SLC9A7: variants seen among roughly 807,000 people sequenced by gnomAD.
The protein encoded by SLC9A7 is sodium/hydrogen exchanger 7.
Under a neutral mutation model 52.6 loss-of-function variants are expected in SLC9A7, and 19 were observed. The ratio of observed to expected loss-of-function variants is 0.36; its 90% CI spans 0.25 to 0.53. The LOEUF (loss-of-function observed/expected upper bound fraction) is 0.53. Ranked by LOEUF, SLC9A7 falls within the 20% of genes least tolerant of loss-of-function variation. The probability of loss-of-function intolerance (pLI) is 0.91; values close to 1 mark genes in which losing one functional copy is unlikely to be tolerated. For synonymous variants in SLC9A7, 226 were observed against 252.1 expected (o/e 0.90, Z 0.98); for missense variants, 455 against 597.9 (o/e 0.76, Z 2.49).
intron 1 of SLC9A7, among the ~76,000 whole-genome samples, chrX:46,713,776 G>C (rs1252586505): frequency 3.6e-5 from 4 of 110,174 alleles, no homozygotes; most frequent in African/African-American, 9.9e-5. Context: ...CACACTATTA[G>C]TGACTCTAGT....
At chrX:46,718,220 G>C (rs1178798454) in intron 1 of SLC9A7, among the ~76,000 whole-genome samples, 5 of 111,637 alleles carry the variant, frequency 4.5e-5, no homozygotes, top group Admixed American at 3.8e-4. Flanking sequence ...TTAATAAATG[G>C]TGCTGGGAAA....
chrX:46,648,679 T>G lies in SLC9A7; in HGVS notation c.1462+7A>C. ...AACTCATTTTCTTTACACTTACGCC[T>G]TTTTACCTGAAAACATCATCATGTG... On this transcript the variant is annotated splice_region_variant and intron_variant, in intron 11 of 16. Coordinates refer to ENST00000616978, the MANE Select transcript of SLC9A7 (RefSeq NM_001257291.2). The G allele has an allele frequency of 8.5e-7, 1 of 1,177,114 alleles. No homozygotes were observed. The highest frequency in any genetic ancestry group is 1.2e-6 in the Non-Finnish European group (1 of 864,828).
In SLC9A7 at chrX:46,741,857, C is replaced by A. The variant is rs200798443; in HGVS notation, c.325+16848G>T. 3.9e-4 allele frequency among the ~76,000 whole-genome samples: 42 copies of A among 108,575 alleles called. 1 individual carries two copies. In the East Asian group the frequency reaches 8.3e-3, roughly 22 times the overall value. The allele number at this position is 108,575 out of a possible 115,157, so 94.3% of individuals were successfully genotyped here. ...TAAGATACTGAAAAGAAAAAAAAAACCCCAAAGCTAGGAGAGAATATTTGC... is the reference window on the plus strand; with the variant it reads ...TAAGATACTGAAAAGAAAAAAAAAAACCCAAAGCTAGGAGAGAATATTTGC... On this transcript the variant is annotated intron_variant, in intron 1 of 16. Transcript: ENST00000616978.
At chrX:46,754,351 T>C (rs1330349442) in intron 1 of SLC9A7, among the ~76,000 whole-genome samples, 5 of 111,566 alleles carry the variant, frequency 4.5e-5, no homozygotes, top group African/African-American at 1.6e-4. Context: ...TCCAATGCTA[T>C]ACAGTTTTAT....
intron 1 of SLC9A7, chrX:46,725,810 T>C (rs925915063): frequency 8.8e-6 from 6 of 682,009 alleles, no homozygotes; most frequent in African/African-American, 8.5e-5. Context: ...TCCCGAAGAA[T>C]TGGTTGATCT....
intron 1 of SLC9A7, among the ~76,000 whole-genome samples, chrX:46,723,758 G>A (rs1006646106): frequency 3.6e-5 from 4 of 112,197 alleles, no homozygotes; most frequent in African/African-American, 9.7e-5. Context: ...ACCCTGTGCA[G>A]CTGTAACCTG....
chrX:46,733,723 C>G, intron 1 of SLC9A7, among the ~76,000 whole-genome samples: 1 of 110,300 alleles, frequency 9.1e-6, no homozygotes, highest in East Asian at 2.8e-4. Flanking sequence ...CCTAGAGCAA[C>G]CACTATGAAA....
chrX:46,635,553 C>T (rs775783077), intron 13 of SLC9A7, 36 bp downstream of exon 13: 2 of 1,096,402 alleles, frequency 1.8e-6, no homozygotes. Context: ...AAAAGCCAGG[C>T]CCAGTTAATT....
At chrX:46,709,601 T>TAAC (rs1221487521) in intron 1 of SLC9A7, among the ~76,000 whole-genome samples, 7 of 110,398 alleles carry the variant, frequency 6.3e-5, no homozygotes, top group African/African-American at 1.3e-4. Flanking sequence ...TTACCTAAAA[T>TAAC]AACAACAACA....
intron 7 of SLC9A7, among the ~76,000 whole-genome samples, chrX:46,654,962 T>TTTTC (rs1556095190): frequency 0.18 from 17,833 of 99,815 alleles, 2,020 homozygotes; most frequent in Middle Eastern, 0.28. Flanking sequence ...GTATTTCTTT[T>TTTTC]TTTCTTTCTT....
At chrX:46,732,326 A>T (rs12850217) in intron 1 of SLC9A7, among the ~76,000 whole-genome samples, 1 of 108,776 alleles carries the variant, frequency 9.2e-6, no homozygotes, top group Non-Finnish European at 1.9e-5. Flanking sequence ...CTGAGGCGGG[A>T]GGATCACCTG....
At chrX:46,698,899 A>T (rs1265670060) in intron 1 of SLC9A7, among the ~76,000 whole-genome samples, 1 of 111,481 alleles carries the variant, frequency 9.0e-6, no homozygotes, top group African/African-American at 3.3e-5. Flanking sequence ...TACAATAGAA[A>T]ATCTGTGACT....
Position 46,606,828 on chromosome X carries a change from A to G in SLC9A7, c.*124T>C. Reference sequence around the variant, plus strand: ...ATTTTAAGTGTTACAATAGCTTCAGACCCCAATAAAATAGAAGAGTTAGTT... The same window carrying G: ...ATTTTAAGTGTTACAATAGCTTCAGGCCCCAATAAAATAGAAGAGTTAGTT... On this transcript the variant is annotated 3_prime_UTR_variant, in exon 17 of 17. Coordinates refer to ENST00000616978, the MANE Select transcript of SLC9A7 (RefSeq NM_001257291.2). 1 of 1,151,322 alleles carries G rather than the reference A, an allele frequency of 8.7e-7. No homozygotes were observed. The highest frequency in any genetic ancestry group is 1.2e-6 in the Non-Finnish European group (1 of 865,915). The allele number at this position is 1,151,322 out of a possible 1,213,427, so 94.9% of individuals were successfully genotyped here. A position where few individuals can be genotyped will look rare whatever the true frequency, so the allele number is the denominator to read the frequency against.
intron 1 of SLC9A7, among the ~76,000 whole-genome samples, chrX:46,699,961 TA>T (rs1375186378): frequency 9.1e-6 from 1 of 109,698 alleles, no homozygotes; most frequent in African/African-American, 3.3e-5. Flanking sequence ...ACAAAAAAAT[TA>T]AAAAATTACC....
In SLC9A7 at chrX:46,675,559, T is replaced by G. The variant is rs140959087; in HGVS notation, c.604-2932A>C. The stretch of plus-strand genomic sequence containing the variant: ...TTGTTACAGTCTTTTGTTGTAATGC[T>G]GGGCACTTTAGGCCTCAGAAGCAGG... On this transcript the variant is annotated intron_variant, in intron 3 of 16. Coordinates refer to ENST00000616978, the MANE Select transcript of SLC9A7 (RefSeq NM_001257291.2). Among the ~76,000 whole-genome samples the G allele has an allele frequency of 3.6e-3, 402 of 112,531 alleles. 3 individuals are homozygous for G. The highest frequency in any genetic ancestry group is 0.013 in the African/African-American group (391 of 30,993).
At chrX:46,748,289 T>A (rs1192299492) in intron 1 of SLC9A7, among the ~76,000 whole-genome samples, 1 of 102,273 alleles carries the variant, frequency 9.8e-6, no homozygotes, top group Admixed American at 1.1e-4. Flanking sequence ...GAAGTTGCAG[T>A]GAGCCGAGAT....
rs188711756 is a variant in SLC9A7, at chrX:46,758,239, C to T, written c.325+466G>A. Among the ~76,000 whole-genome samples, 5 of 111,140 alleles carry T rather than the reference C, an allele frequency of 4.5e-5. No homozygotes were observed. The Admixed American group carries it at 4.8e-4, about 11-fold the overall frequency. On this transcript the variant is annotated intron_variant, in intron 1 of 16. Coordinates refer to ENST00000616978, the MANE Select transcript of SLC9A7 (RefSeq NM_001257291.2). ...CCACCCAGGCTGACCATGGATGTGG[C>T]GTCCAAGAGGCCCCACTAACCCATA... is the stretch of plus-strand genomic sequence containing the variant.
chrX:46,627,196 C>T (rs1218074497), intron 14 of SLC9A7, among the ~76,000 whole-genome samples: 4 of 110,550 alleles, frequency 3.6e-5, no homozygotes, highest in Non-Finnish European at 7.6e-5. Context: ...CACCTGTGGT[C>T]CTAGCTACTC....
intron 1 of SLC9A7, among the ~76,000 whole-genome samples, chrX:46,689,619 T>G (rs1457994300): frequency 9.0e-6 from 1 of 110,587 alleles, no homozygotes; most frequent in Non-Finnish European, 1.9e-5. Flanking sequence ...TCTTTTTTTT[T>G]TTGTTTAAGT....
Sources: allele counts gnomAD v4.1 joint callset (sites outside exome capture counted in the v4.1 genomes callset), GRCh38; gene constraint gnomAD v4.1.1; transcripts MANE v1.5; gene names NCBI Gene and HGNC (gene_info 2026-07-23, HGNC 2026-07-21).